Variants in KCNJ3 observed in about 807,000 individuals in gnomAD.
The protein encoded by KCNJ3 is G protein-activated inward rectifier potassium channel 1.
Under a neutral mutation model 39.2 loss-of-function variants are expected in KCNJ3, and 4 were observed. The ratio of observed to expected loss-of-function variants is 0.10; its 90% CI spans 0.05 to 0.23. The LOEUF is 0.23. Ranked by LOEUF, KCNJ3 falls within the 10% of genes least tolerant of loss-of-function variation. The pLI is 1.00. For missense variants in KCNJ3, 276 were observed against 634.9 expected (o/e 0.43, Z 6.08); for synonymous variants, 230 against 237.4 (o/e 0.97, Z 0.29).
intron 2 of KCNJ3, among the ~76,000 whole-genome samples, chr2:154,774,873 A>G (rs116036951): frequency 0.014 from 2,084 of 151,958 alleles, 40 homozygotes; most frequent in African/African-American, 0.047. Flanking sequence ...ACATCTCCCA[A>G]TGAATTTTAT....
intron 2 of KCNJ3, among the ~76,000 whole-genome samples, chr2:154,785,661 C>A (rs922393664): frequency 6.6e-6 from 1 of 152,158 alleles, no homozygotes; most frequent in Non-Finnish European, 1.5e-5. Flanking sequence ...TTGCACTTCT[C>A]CACCTTCAGA....
At chr2:154,796,782 A>C (rs1167183337) in intron 2 of KCNJ3, among the ~76,000 whole-genome samples, 1 of 152,192 alleles carries the variant, frequency 6.6e-6, no homozygotes, top group Non-Finnish European at 1.5e-5. Context: ...TTAAATTTGG[A>C]AGGGTGCTTA....
chr2:154,841,576 T>C (rs367972174), intron 2 of KCNJ3, among the ~76,000 whole-genome samples: 2 of 152,286 alleles, frequency 1.3e-5, no homozygotes. Flanking sequence ...CTTTTTTTGG[T>C]TGGTAGCTAT....
intron 2 of KCNJ3, among the ~76,000 whole-genome samples, chr2:154,724,771 A>G (rs1276697946): frequency 6.6e-6 from 1 of 151,030 alleles, no homozygotes; most frequent in Non-Finnish European, 1.5e-5. Context: ...AGTAAACTCT[A>G]TACTACTATT....
chr2:154,825,880 T>G (rs1342047756), intron 2 of KCNJ3, among the ~76,000 whole-genome samples: 8 of 151,490 alleles, frequency 5.3e-5, no homozygotes, highest in African/African-American at 1.5e-4. Context: ...CACCTGTTTT[T>G]TTTTTTTTTT....
At chr2:154,771,481 G>A (rs949649239) in intron 2 of KCNJ3, among the ~76,000 whole-genome samples, 7 of 152,190 alleles carry the variant, frequency 4.6e-5, no homozygotes, top group Non-Finnish European at 1.0e-4. Context: ...AAGCTAACTT[G>A]ATTTCAGTGA....
chr2:154,817,686 T>C (rs1687106435), intron 2 of KCNJ3, among the ~76,000 whole-genome samples: 1 of 152,172 alleles, frequency 6.6e-6, no homozygotes, highest in Non-Finnish European at 1.5e-5. Context: ...AATGATTTGG[T>C]CCATAAGACT....
At chr2:154,717,959 T>G (rs1435263871) in intron 2 of KCNJ3, among the ~76,000 whole-genome samples, 1 of 152,178 alleles carries the variant, frequency 6.6e-6, no homozygotes, top group Non-Finnish European at 1.5e-5. Flanking sequence ...AGTTTCTGGG[T>G]CATTAGCCTG....
At chr2:154,741,087 T>G (rs1165770973) in intron 2 of KCNJ3, among the ~76,000 whole-genome samples, 1 of 151,998 alleles carries the variant, frequency 6.6e-6, no homozygotes, top group African/African-American at 2.4e-5. Flanking sequence ...AGGAAATATT[T>G]ATTGAGAAAT....
intron 2 of KCNJ3, among the ~76,000 whole-genome samples, chr2:154,752,522 T>C (rs1357156947): frequency 6.6e-6 from 1 of 152,038 alleles, no homozygotes; most frequent in Non-Finnish European, 1.5e-5. Flanking sequence ...TAAAAATTAT[T>C]TATATGGTAC....
chr2:154,787,865 G>A (rs1232768586), intron 2 of KCNJ3, among the ~76,000 whole-genome samples: 1 of 151,834 alleles, frequency 6.6e-6, no homozygotes, highest in Non-Finnish European at 1.5e-5. Context: ...ATTTACTGGT[G>A]CTGTCAAACT....
chr2:154,760,559 C>T (rs142545912), intron 2 of KCNJ3, among the ~76,000 whole-genome samples: 1 of 151,712 alleles, frequency 6.6e-6, no homozygotes, highest in Non-Finnish European at 1.5e-5. Flanking sequence ...CTCTTTCTCT[C>T]TCTCTCTCTT....
intron 2 of KCNJ3, among the ~76,000 whole-genome samples, chr2:154,810,077 C>G (rs996657235): frequency 6.6e-6 from 1 of 151,962 alleles, no homozygotes; most frequent in East Asian, 1.9e-4. Context: ...CTCTCTTTCT[C>G]TCTCTCTCTC....
chr2:154,716,716 G>A (rs1042316699), intron 2 of KCNJ3, among the ~76,000 whole-genome samples: 6 of 152,128 alleles, frequency 3.9e-5, no homozygotes, highest in Admixed American at 1.3e-4. Flanking sequence ...ATTGGTTACG[G>A]ACTTTGTTTA....
At chr2:154,849,927 G>C (rs970511339) in intron 2 of KCNJ3, among the ~76,000 whole-genome samples, 2 of 144,500 alleles carry the variant, frequency 1.4e-5, no homozygotes, top group Non-Finnish European at 3.0e-5. Flanking sequence ...TGGACATACT[G>C]ATACTGGAAT....
In KCNJ3 at chr2:154,746,609, G is replaced by GATAT. The variant is rs59587484; in HGVS notation, c.919+36809_919+36812dup. 1.9e-3 allele frequency among the ~76,000 whole-genome samples: 278 copies of GATAT among 143,376 alleles called. 1 individual carries two copies. The highest frequency in any genetic ancestry group is 0.011 in the Middle Eastern group (3 of 272). The allele number at this position is 143,376 out of a possible 152,430, so 94.1% of individuals were successfully genotyped here. The stretch of plus-strand genomic sequence containing the variant: ...CTGTATGTGTGTGTGCGTATACACA[G>GATAT]ATATATATATATATATATATATGTA... On this transcript the variant is annotated intron_variant, in intron 2 of 2. Transcript: ENST00000295101.
chr2:154,704,141 A>G (rs947601652), intron 1 of KCNJ3, among the ~76,000 whole-genome samples: 6 of 152,170 alleles, frequency 3.9e-5, no homozygotes, highest in African/African-American at 1.4e-4. Flanking sequence ...AAATAGTGGT[A>G]ATATATTTTG....
intron 2 of KCNJ3, among the ~76,000 whole-genome samples, chr2:154,786,235 T>C (rs1574462052): frequency 6.6e-6 from 1 of 152,214 alleles, no homozygotes; most frequent in Non-Finnish European, 1.5e-5. Flanking sequence ...TAGAAGAATT[T>C]AGTCTTTTTA....
chr2:154,764,151 G>A (rs1574453159), intron 2 of KCNJ3, among the ~76,000 whole-genome samples: 1 of 152,324 alleles, frequency 6.6e-6, no homozygotes, highest in East Asian at 1.9e-4. Flanking sequence ...AAAAGTGCTA[G>A]CAGTATCTCC....
Sources: allele counts gnomAD v4.1 joint callset (sites outside exome capture counted in the v4.1 genomes callset), GRCh38; gene constraint gnomAD v4.1.1; transcripts MANE v1.5; gene names NCBI Gene and HGNC (gene_info 2026-07-23, HGNC 2026-07-21).